Variants in ZNF490 observed in about 807,000 individuals in gnomAD.
ZNF490 encodes zinc finger protein 490.
In ZNF490, 11 loss-of-function variants were observed where a neutral mutation model predicts 17.7. The ratio of observed to expected loss-of-function variants is 0.62; its 90% CI spans 0.39 to 1.03. ZNF490 has a LOEUF of 1.03. Among genes scored for constraint, ZNF490 ranks in the 50% least tolerant of loss-of-function variants. The pLI is 0.00. For missense variants in ZNF490, 542 were observed against 643.4 expected (o/e 0.84, Z 1.71); for synonymous variants, 222 against 216.1 (o/e 1.03, Z -0.24).
chr19:12,579,313 G>T lies in ZNF490; in HGVS notation c.*1172C>A, dbSNP rs528757464. The T allele has an allele frequency of 1.3e-5, 2 of 151,666 alleles. No individual in the cohort carries two copies. Among genetic ancestry groups the T allele is most frequent in the Non-Finnish European group, 2.9e-5 (2 of 68,010 alleles). The allele number at this position is 151,666 out of a possible 1,614,324, so 9.4% of individuals were successfully genotyped here. On this transcript the variant is annotated 3_prime_UTR_variant, in exon 5 of 5. Coordinates refer to ENST00000311437, the MANE Select transcript of ZNF490 (RefSeq NM_020714.3). ...CGCCTGTAATCCCAGCACTTTGGGA[G>T]GCCAAGGCAGGTGGATTACCTGAGG...
At position 12,600,518 on chromosome 19, in the gene ZNF490, A is replaced by G. The variant is rs2022990398; in HGVS notation, c.162+8640T>C. Among the ~76,000 whole-genome samples the G allele has an allele frequency of 3.9e-5, 6 of 152,274 alleles. No homozygotes were observed. In the South Asian group the frequency reaches 1.2e-3, roughly 32 times the overall value. On this transcript the variant is annotated intron_variant, in intron 2 of 4. Transcript: ENST00000311437. ...TTCTTTGGACTATATCTGTATATAT[A>G]TGTTATTGGTATGTGTTCCAAAATG...
intron 2 of ZNF490, among the ~76,000 whole-genome samples, chr19:12,600,471 A>G (rs559830793): frequency 7.9e-5 from 12 of 152,306 alleles, no homozygotes; most frequent in African/African-American, 2.6e-4. Flanking sequence ...AAGCAAAGTC[A>G]AATATAAAAT....
rs567655846 is a variant in ZNF490 at position 12,576,854 on chromosome 19, T to C, written c.*3631A>G. 8.1e-5 allele frequency among the ~76,000 whole-genome samples: 12 copies of C among 148,508 alleles called. No homozygotes were observed. The highest frequency in any genetic ancestry group is 2.7e-4 in the African/African-American group (11 of 40,172). On this transcript the variant is annotated 3_prime_UTR_variant, in exon 5 of 5. Coordinates refer to ENST00000311437, the MANE Select transcript of ZNF490 (RefSeq NM_020714.3). ...AAAAAAAACCTAAAAGCATTCCATA[T>C]TTAAAAATATATATAAATATATATA...
At chr19:12,599,422 A>G (rs1281617280) in intron 2 of ZNF490, among the ~76,000 whole-genome samples, 1 of 152,178 alleles carries the variant, frequency 6.6e-6, no homozygotes, top group Non-Finnish European at 1.5e-5. Flanking sequence ...TGTAGAATTT[A>G]AAGGTGTTTA....
At chr19:12,582,576 A>C (rs2022752226) in intron 4 of ZNF490, among the ~76,000 whole-genome samples, 1 of 151,822 alleles carries the variant, frequency 6.6e-6, no homozygotes, top group African/African-American at 2.4e-5. Flanking sequence ...TTGTATTTTT[A>C]GTAGAGACAG....
At position 12,580,333 on chromosome 19, in the gene ZNF490, C is replaced by G; in HGVS notation, c.*152G>C. 1 of 1,442,800 alleles carries G rather than the reference C, an allele frequency of 6.9e-7. No homozygotes were observed. Among genetic ancestry groups the G allele is most frequent in the South Asian group, 1.7e-5 (1 of 59,414 alleles). 89.4% of individuals were successfully genotyped at this position (1,442,800 alleles called of 1,614,324 possible). ...TTCCTCCCCCATTTGTTAAATATTTCATTGCCGCATGAGTCACGTCTTCAA... is the reference window on the plus strand; with the variant it reads ...TTCCTCCCCCATTTGTTAAATATTTGATTGCCGCATGAGTCACGTCTTCAA... On this transcript the variant is annotated 3_prime_UTR_variant, in exon 5 of 5. Coordinates refer to ENST00000311437, the MANE Select transcript of ZNF490 (RefSeq NM_020714.3).
In ZNF490 at chr19:12,580,945, C is replaced by T. The variant is rs2145138717; in HGVS notation, c.1130G>A (p.Cys377Tyr). 1 of 1,614,140 alleles carries T rather than the reference C, an allele frequency of 6.2e-7. No homozygotes were observed. Among genetic ancestry groups the T allele is most frequent in the Non-Finnish European group, 8.5e-7 (1 of 1,180,020 alleles). Residue 377 changes from cysteine to tyrosine, a missense_variant, in exon 5 of 5, where the codon TGT becomes TAT. By Grantham distance (194) the Cys-to-Tyr change is radical. Transcript: ENST00000311437. ...CGEAFKSSSS[C>Y]EVHERTHFGE... ...AAAATGAGTTCTTTCGTGCACTTCA[C>T]AGGAACTAGATGACTTGAAGGCTTC...
In ZNF490 at chr19:12,580,966, G is replaced by C. The variant is rs768855346; in HGVS notation, c.1109C>G (p.Ala370Gly). ...QPYTCKKCGE[A>G]FKSSSSCEVH... ...TTCACAGGAACTAGATGACTTGAAG[G>C]CTTCCCCACATTTCTTACATGTATA... Residue 370 changes from alanine (A) to glycine (G), a missense_variant, in exon 5 of 5, where the codon GCC (alanine) becomes GGC (glycine). Ala to Gly is a moderately conservative substitution (Grantham distance 60). Coordinates refer to ENST00000311437, the MANE Select transcript of ZNF490 (RefSeq NM_020714.3). 6.2e-6 allele frequency: 10 copies of C among 1,614,032 alleles called. No homozygotes were observed. Among genetic ancestry groups the C allele is most frequent in the South Asian group, 2.2e-5 (2 of 91,084 alleles).
intron 2 of ZNF490, among the ~76,000 whole-genome samples, chr19:12,600,257 C>G (rs2145161185): frequency 6.6e-6 from 1 of 151,618 alleles, no homozygotes; most frequent in South Asian, 2.1e-4. Context: ...GTCCCAGCTA[C>G]TCGGGAGGCT....
intron 2 of ZNF490, among the ~76,000 whole-genome samples, chr19:12,595,415 T>G (rs1311432217): frequency 6.6e-6 from 1 of 152,120 alleles, no homozygotes; most frequent in African/African-American, 2.4e-5. Flanking sequence ...GTCCAGCCTT[T>G]TTTTTAGTTG....
chr19:12,603,265 A>G (rs981346502), intron 2 of ZNF490, among the ~76,000 whole-genome samples: 3 of 151,968 alleles, frequency 2.0e-5, no homozygotes, highest in African/African-American at 7.2e-5. Flanking sequence ...GGCAGGCAGG[A>G]TGCTTGAGCC....
intron 2 of ZNF490, among the ~76,000 whole-genome samples, chr19:12,602,077 T>TACAC (rs1386548305): frequency 4.1e-4 from 24 of 59,100 alleles, no homozygotes; most frequent in East Asian, 3.7e-3. Flanking sequence ...CAGTTCACTA[T>TACAC]ATACACACAC....
rs970269692 is a variant in ZNF490, at chr19:12,607,443, T to A, written c.162+1715A>T. 2.6e-5 allele frequency among the ~76,000 whole-genome samples: 4 copies of A among 151,970 alleles called. No individual in the cohort carries two copies. The South Asian group carries it at 8.3e-4, about 31-fold the overall frequency. On this transcript the variant is annotated intron_variant, in intron 2 of 4. Transcript: ENST00000311437. Reference sequence around the variant, plus strand: ...TACTAGTCCCAGCTACTAGGGAGCCTGTGAAGTTGAGTCTACAGTGAGCTG... The same window carrying A: ...TACTAGTCCCAGCTACTAGGGAGCCAGTGAAGTTGAGTCTACAGTGAGCTG...
chr19:12,607,440 G>C (rs1449232304), intron 2 of ZNF490, among the ~76,000 whole-genome samples: 1 of 152,010 alleles, frequency 6.6e-6, no homozygotes, highest in Non-Finnish European at 1.5e-5. Flanking sequence ...CTACTAGGGA[G>C]CCTGTGAAGT....
rs1421752656 is a variant in ZNF490 at position 12,577,153 on chromosome 19, T to A, written c.*3332A>T. ...GAGATATTAGCACAGCTTTGTTGAC[T>A]ACACCTATTAGAGGGAGTTACACAG... On this transcript the variant is annotated 3_prime_UTR_variant, in exon 5 of 5. Transcript: ENST00000311437. 6.6e-6 allele frequency among the ~76,000 whole-genome samples: 1 copy of A among 152,168 alleles called. No individual in the cohort carries two copies. The highest frequency in any genetic ancestry group is 1.5e-5 in the Non-Finnish European group (1 of 68,026).
chr19:12,582,440 G>C (rs776262675), intron 4 of ZNF490, among the ~76,000 whole-genome samples: 2 of 151,892 alleles, frequency 1.3e-5, no homozygotes, highest in Non-Finnish European at 2.9e-5. Flanking sequence ...CTGTCACCAG[G>C]CTGCAGTGCA....
At chr19:12,597,180 C>A (rs1458546322) in intron 2 of ZNF490, 1 of 458,978 alleles carries the variant, frequency 2.2e-6, no homozygotes, top group Non-Finnish European at 4.4e-6. Context: ...TCCAGGAGTC[C>A]TCCCTACGGA....
At chr19:12,586,923 A>G (rs2022811259) in intron 2 of ZNF490, among the ~76,000 whole-genome samples, 1 of 92,444 alleles carries the variant, frequency 1.1e-5, no homozygotes, top group African/African-American at 3.2e-5. Context: ...ATACAAAATT[A>G]GTCAGGTGCA....
At chr19:12,602,379 T>A (rs1469947888) in intron 2 of ZNF490, among the ~76,000 whole-genome samples, 1 of 152,022 alleles carries the variant, frequency 6.6e-6, no homozygotes, top group Non-Finnish European at 1.5e-5. Flanking sequence ...AAACCCCATC[T>A]CTACCAAAAA....
Sources: allele counts gnomAD v4.1 joint callset (sites outside exome capture counted in the v4.1 genomes callset), GRCh38; gene constraint gnomAD v4.1.1; transcripts MANE v1.5; gene names NCBI Gene and HGNC (gene_info 2026-07-23, HGNC 2026-07-21).